Variants in KDM4B observed in about 807,000 individuals in gnomAD.
KDM4B encodes lysine demethylase 4B.
KDM4B carries 32 observed loss-of-function variants against 125.2 expected under a neutral mutation model. The ratio of observed to expected loss-of-function variants is 0.26; its 90% CI spans 0.19 to 0.34. The LOEUF is 0.34. Among genes scored for constraint, KDM4B ranks in the 10% least tolerant of loss-of-function variants. The pLI, the probability that KDM4B is intolerant of heterozygous loss-of-function variation, is 1.00. For synonymous variants in KDM4B, 721 were observed against 677.9 expected, an observed-to-expected ratio of 1.06 and a Z score of -0.99; for missense variants, 1,190 against 1,577.7, an observed-to-expected ratio of 0.75 and a Z score of 4.16.
At chr19:5,056,690 G>A (rs889078738) in intron 6 of KDM4B, among the ~76,000 whole-genome samples, 2 of 152,220 alleles carry the variant, frequency 1.3e-5, no homozygotes, top group African/African-American at 2.4e-5. Flanking sequence ...ACAGACGTGT[G>A]TCACTGTGCC....
At chr19:5,031,466 C>T (rs1285009995) in intron 2 of KDM4B, among the ~76,000 whole-genome samples, 1 of 152,228 alleles carries the variant, frequency 6.6e-6, no homozygotes, top group Non-Finnish European at 1.5e-5. Flanking sequence ...GGAGAAGCTG[C>T]GAGGACTCTG....
intron 9 of KDM4B, among the ~76,000 whole-genome samples, chr19:5,103,246 C>T (rs185680933): frequency 6.2e-4 from 94 of 152,390 alleles, no homozygotes; most frequent in African/African-American, 2.1e-3. Context: ...GAGCCAATTT[C>T]GCTTGGCACG....
chr19:5,079,694 G>A (rs1322635899), intron 8 of KDM4B, among the ~76,000 whole-genome samples: 1 of 152,198 alleles, frequency 6.6e-6, no homozygotes, highest in Non-Finnish European at 1.5e-5. Context: ...GGCTCAAATA[G>A]GATAAAGGAA....
chr19:5,149,831 G>A (rs1018946759), intron 21 of KDM4B, among the ~76,000 whole-genome samples: 3 of 152,250 alleles, frequency 2.0e-5, no homozygotes, highest in Non-Finnish European at 1.5e-5. Flanking sequence ...GAGTTGAAGG[G>A]AAGAGGTGAC....
intron 11 of KDM4B, among the ~76,000 whole-genome samples, chr19:5,128,736 C>T (rs1422944207): frequency 4.1e-5 from 6 of 144,788 alleles, no homozygotes; most frequent in African/African-American, 1.6e-4. Context: ...GGAGGGGGTG[C>T]CTCCCCTCTG....
At chr19:5,005,025 G>A (rs970742474) in intron 1 of KDM4B, among the ~76,000 whole-genome samples, 3 of 152,168 alleles carry the variant, frequency 2.0e-5, no homozygotes, top group South Asian at 2.1e-4. Context: ...CCTGTGTAGC[G>A]TCTTCCTTTT....
At chr19:4,995,141 A>C (rs577073765) in intron 1 of KDM4B, among the ~76,000 whole-genome samples, 1 of 152,268 alleles carries the variant, frequency 6.6e-6, no homozygotes, top group African/African-American at 2.4e-5. Context: ...AACCATTTGG[A>C]GACCCCACTG....
At chr19:4,983,805 T>G (rs1388945989) in intron 1 of KDM4B, among the ~76,000 whole-genome samples, 1 of 152,152 alleles carries the variant, frequency 6.6e-6, no homozygotes, top group Non-Finnish European at 1.5e-5. Flanking sequence ...AGGGCAGGAT[T>G]GCGGGAGGAT....
intron 14 of KDM4B, among the ~76,000 whole-genome samples, chr19:5,135,038 C>T (rs1356689148): frequency 6.6e-6 from 1 of 152,196 alleles, no homozygotes; most frequent in Admixed American, 6.5e-5. Flanking sequence ...CAGCATACCC[C>T]AGCGCCAGGG....
At chr19:5,137,153 A>G (rs192959257) in intron 15 of KDM4B, 109 bp from the exon 16 acceptor site, 33 of 727,536 alleles carry the variant, frequency 4.5e-5, no homozygotes, top group Non-Finnish European at 5.8e-5. Context: ...TCGTCACTCC[A>G]CATACGGACA....
At chr19:5,032,720 G>T in intron 2 of KDM4B, 146 bp from the exon 3 acceptor site, 2 of 657,830 alleles carry the variant, frequency 3.0e-6, no homozygotes, top group South Asian at 4.0e-5. Context: ...TTTCTCTTCT[G>T]CCCTCACTCA....
chr19:4,998,225 G>A (rs2035262623), intron 1 of KDM4B, among the ~76,000 whole-genome samples: 1 of 152,222 alleles, frequency 6.6e-6, no homozygotes, highest in Non-Finnish European at 1.5e-5. Context: ...AAAGATGTAG[G>A]TGGGCTGCAC....
Position 5,150,459 on chromosome 19 carries a change from G to T in KDM4B, c.3114+9G>T, listed in dbSNP as rs774107954. The T allele has an allele frequency of 1.3e-5, 20 of 1,545,796 alleles. No homozygotes were observed. The highest frequency in any genetic ancestry group is 1.7e-5 in the Non-Finnish European group (19 of 1,144,140). On this transcript the variant is annotated intron_variant, in intron 22 of 22. Coordinates refer to ENST00000159111, the MANE Select transcript of KDM4B (RefSeq NM_015015.3). The stretch of plus-strand genomic sequence containing the variant: ...GGGTCCGCTCTCGGCTGGTGAGTGC[G>T]CGAGGCTGGCCTGGTGGCTCCGGGT...
At chr19:5,112,476 G>A (rs2039168322) in intron 10 of KDM4B, 1 of 152,248 alleles carries the variant, frequency 6.6e-6, no homozygotes, top group Admixed American at 6.5e-5. Context: ...GTGCCCACTC[G>A]AGACCCAGCC....
intron 9 of KDM4B, among the ~76,000 whole-genome samples, chr19:5,104,308 T>C (rs564905505): frequency 1.3e-5 from 2 of 152,220 alleles, no homozygotes; most frequent in African/African-American, 2.4e-5. Context: ...TGTGAGCTGC[T>C]TCAGGGCAGG....
At chr19:5,108,782 TG>T (rs1021399552) in intron 9 of KDM4B, among the ~76,000 whole-genome samples, 1 of 152,212 alleles carries the variant, frequency 6.6e-6, no homozygotes, top group African/African-American at 2.4e-5. Flanking sequence ...AAGTTCCCTG[TG>T]GGCTTCTGAG....
At position 5,151,448 on chromosome 19, in the gene KDM4B, G is replaced by A. The variant is rs1398246061; in HGVS notation, c.3228G>A (p.Gln1076=). 1 of 1,545,218 alleles carries A rather than the reference G, an allele frequency of 6.5e-7. No individual in the cohort carries two copies. The highest frequency in any genetic ancestry group is 8.7e-7 in the Non-Finnish European group (1 of 1,147,854). The change falls in exon 23 of 23, where the codon CAG becomes CAA. Residue 1076 remains glutamine (Q), a synonymous_variant. Coordinates refer to ENST00000159111, the MANE Select transcript of KDM4B (RefSeq NM_015015.3). ...PLATEDSGRS[Q]DYVAFVESLL... ...CCACGGAGGACTCCGGGCGGAGCCA[G>A]GACTACGTGGCCTTCGTGGAGAGCC...
At chr19:4,980,824 A>C (rs762706553) in intron 1 of KDM4B, among the ~76,000 whole-genome samples, 3 of 149,634 alleles carry the variant, frequency 2.0e-5, no homozygotes, top group Admixed American at 6.6e-5. Flanking sequence ...AGTTGTTCTC[A>C]TTTTTTCAGC....
At chr19:4,980,148 C>A (rs1203809192) in intron 1 of KDM4B, among the ~76,000 whole-genome samples, 1 of 152,088 alleles carries the variant, frequency 6.6e-6, no homozygotes. Context: ...TACATTGACA[C>A]AGTTGTGCAA....
Sources: gnomAD v4.1 joint callset for allele counts (sites outside exome capture counted in the v4.1 genomes callset) on GRCh38, gnomAD v4.1.1 for gene constraint, MANE v1.5 for transcripts, NCBI Gene and HGNC (gene_info 2026-07-23, HGNC 2026-07-21) for gene names.